Variants in TRPM6 observed in about 807,000 individuals in gnomAD.
The protein encoded by TRPM6 is channel kinase 2.
TRPM6 carries 111 observed loss-of-function variants against 247.6 expected under a neutral mutation model. The ratio of observed to expected loss-of-function variants is 0.45; its 90% confidence interval spans 0.38 to 0.52. The LOEUF (loss-of-function observed/expected upper bound fraction) is 0.52, where lower values mean the gene tolerates loss of function less well. Ranked by LOEUF, TRPM6 falls within the 20% of genes least tolerant of loss-of-function variation. The pLI is 0.00. For synonymous variants in TRPM6, 892 were observed against 853.8 expected (o/e 1.04, Z -0.78); for missense variants, 2,126 against 2,421.5 (o/e 0.88, Z 2.56).
At position 74,821,855 on chromosome 9, in the gene TRPM6, C is replaced by T; in HGVS notation, c.842-18G>A. On this transcript the variant is annotated intron_variant, in intron 7 of 38. Transcript: ENST00000360774. ...TCTTGAGCCTATTCCAGACCACAAACAATACCACACTGTTAGAGAATCCCT... is the reference window on the plus strand; with the variant it reads ...TCTTGAGCCTATTCCAGACCACAAATAATACCACACTGTTAGAGAATCCCT... 1 of 1,613,960 alleles carries T rather than the reference C, an allele frequency of 6.2e-7. No homozygotes were observed. The highest frequency in any genetic ancestry group is 8.5e-7 in the Non-Finnish European group (1 of 1,179,964).
intron 7 of TRPM6, among the ~76,000 whole-genome samples, chr9:74,825,761 A>G (rs1451304336): frequency 6.6e-6 from 1 of 152,160 alleles, no homozygotes; most frequent in African/African-American, 2.4e-5. Context: ...CGCTGCACAG[A>G]ACCCCACGCA....
intron 3 of TRPM6, among the ~76,000 whole-genome samples, chr9:74,846,769 G>C (rs968825121): frequency 1.3e-5 from 2 of 152,128 alleles, no homozygotes; most frequent in Non-Finnish European, 2.9e-5. Flanking sequence ...GGCTGGCCTT[G>C]AACTGCTGAC....
chr9:74,784,511 G>C (rs1827578318), intron 21 of TRPM6, among the ~76,000 whole-genome samples: 1 of 152,110 alleles, frequency 6.6e-6, no homozygotes, highest in Admixed American at 6.5e-5. Context: ...ACAGTGTGTG[G>C]CCTATAGTAA....
At chr9:74,755,568 G>A in intron 27 of TRPM6, 95 bp from the exon 28 acceptor site, 1 of 1,457,488 alleles carries the variant, frequency 6.9e-7, no homozygotes, top group South Asian at 1.1e-5. Flanking sequence ...GGCAGTGTCT[G>A]TTAACACTGG....
chr9:74,849,633 G>C (rs1830230974), intron 3 of TRPM6, among the ~76,000 whole-genome samples: 1 of 152,130 alleles, frequency 6.6e-6, no homozygotes, highest in South Asian at 2.1e-4. Flanking sequence ...TTTTGTTATG[G>C]TAGCTCTAGG....
intron 31 of TRPM6, among the ~76,000 whole-genome samples, chr9:74,746,195 C>T (rs916553574): frequency 3.3e-5 from 5 of 150,880 alleles, no homozygotes; most frequent in South Asian, 2.1e-4. Context: ...GCTGAGATCG[C>T]GCCACTGCAC....
chr9:74,827,621 AG>A, intron 7 of TRPM6, 156 bp downstream of exon 7: 1 of 751,126 alleles, frequency 1.3e-6, no homozygotes. Flanking sequence ...GGGAGAGAGG[AG>A]GGGAGATGCC....
intron 1 of TRPM6, among the ~76,000 whole-genome samples, chr9:74,860,007 T>G (rs1830647479): frequency 6.6e-6 from 1 of 152,224 alleles, no homozygotes; most frequent in Admixed American, 6.5e-5. Context: ...CAAAAAAAGC[T>G]CAGTGGATCT....
At chr9:74,727,656 C>A (rs1440416121) in intron 38 of TRPM6, among the ~76,000 whole-genome samples, 1 of 152,088 alleles carries the variant, frequency 6.6e-6, no homozygotes, top group Non-Finnish European at 1.5e-5. Flanking sequence ...CAGGACTGCC[C>A]ATTTGGAGGG....
At chr9:74,821,986 G>T in intron 7 of TRPM6, 149 bp from the exon 8 acceptor site, 1 of 917,192 alleles carries the variant, frequency 1.1e-6, no homozygotes, top group Non-Finnish European at 1.7e-6. Context: ...GGTTTGCTTA[G>T]ATCAAGACCA....
rs59577843 is a variant in TRPM6 at position 74,872,600 on chromosome 9, T to TTGTGTGTGTGTGTGTG, written c.34-13868_34-13853dup. Among the ~76,000 whole-genome samples, 294 of 150,186 alleles carry TTGTGTGTGTGTGTGTG rather than the reference T, an allele frequency of 2.0e-3. 4 individuals are homozygous for TTGTGTGTGTGTGTGTG. Among genetic ancestry groups the TTGTGTGTGTGTGTGTG allele is most frequent in the African/African-American group, 6.6e-3 (270 of 40,856 alleles). On this transcript the variant is annotated intron_variant, in intron 1 of 38. Coordinates refer to ENST00000360774, the MANE Select transcript of TRPM6 (RefSeq NM_017662.5). ...TGCACACCACCGCGCCCAGCAAATT[T>TTGTGTGTGTGTGTGTG]TGTGTGTGTGTGTGTGTGTGTGTGC...
rs945780696 is a variant in TRPM6 at position 74,812,409 on chromosome 9, A to G, written c.1333T>C (p.Ser445Pro). The change falls in exon 12 of 39, where the codon TCA (serine) becomes CCA (proline). Residue 445 changes from serine (S) to proline (P), a missense_variant. Physicochemically the swap from Ser to Pro is moderately conservative, Grantham distance 74. Transcript: ENST00000360774. ...ACCCGATCCATCACTAAAGCATCTG[A>G]CATTGCTTGTTCCAGGGCATCAGGC... ...WKPDALEQAM[S>P]DALVMDRVDF... 6.2e-7 allele frequency: 1 copy of G among 1,613,954 alleles called. No individual in the cohort carries two copies. The highest frequency in any genetic ancestry group is 8.5e-7 in the Non-Finnish European group (1 of 1,179,984).
intron 5 of TRPM6, among the ~76,000 whole-genome samples, chr9:74,834,506 CACA>C (rs1019522394): frequency 1.3e-5 from 2 of 151,788 alleles, no homozygotes; most frequent in Admixed American, 6.6e-5. Context: ...GGTACATGCG[CACA>C]ACGAGTGGGT....
intron 25 of TRPM6, among the ~76,000 whole-genome samples, chr9:74,766,720 G>A (rs1301913928): frequency 6.6e-6 from 1 of 152,038 alleles, no homozygotes; most frequent in East Asian, 1.9e-4. Flanking sequence ...AGACCAGCAG[G>A]GCCGATATGG....
intron 23 of TRPM6, among the ~76,000 whole-genome samples, chr9:74,777,429 T>C (rs1003949468): frequency 1.3e-5 from 2 of 152,240 alleles, no homozygotes; most frequent in African/African-American, 2.4e-5. Flanking sequence ...ATTTGTCCTA[T>C]GCGAGGATTT....
At chr9:74,848,381 C>T (rs1488622466) in intron 3 of TRPM6, among the ~76,000 whole-genome samples, 1 of 152,164 alleles carries the variant, frequency 6.6e-6, no homozygotes, top group Non-Finnish European at 1.5e-5. Context: ...TGGGGAGCGT[C>T]TGTAGCATGG....
intron 27 of TRPM6, among the ~76,000 whole-genome samples, chr9:74,761,095 T>C (rs953714958): frequency 1.6e-4 from 25 of 152,310 alleles, no homozygotes; most frequent in Middle Eastern, 3.4e-3. Flanking sequence ...ATTTCTATTA[T>C]AGCAACACAA....
At chr9:74,834,737 C>T (rs1033194986) in intron 5 of TRPM6, among the ~76,000 whole-genome samples, 2 of 151,382 alleles carry the variant, frequency 1.3e-5, no homozygotes, top group Non-Finnish European at 2.9e-5. Flanking sequence ...CGATAGTTTG[C>T]TCATCTATGT....
At chr9:74,887,171 G>T (rs1831558154) in intron 1 of TRPM6, 19 of 1,108,840 alleles carry the variant, frequency 1.7e-5, no homozygotes, top group Non-Finnish European at 2.2e-5. Context: ...TCCTGAGGTT[G>T]CAAGTCCGGG....
Sources: allele counts gnomAD v4.1 joint callset (sites outside exome capture counted in the v4.1 genomes callset), GRCh38; gene constraint gnomAD v4.1.1; transcripts MANE v1.5; gene names NCBI Gene and HGNC (gene_info 2026-07-23, HGNC 2026-07-21).